CHD1L: variants seen among roughly 807,000 people sequenced by gnomAD.
CHD1L encodes the protein chromodomain helicase DNA binding protein 1 like, also known as ATP-dependent chromatin remodeler CHD1L.
A neutral mutation model predicts 115.9 loss-of-function variants in CHD1L; 118 were observed. That is an observed-to-expected ratio of 1.02 (90% confidence interval 0.88 to 1.19). CHD1L has a LOEUF of 1.19. Ranked by LOEUF, CHD1L falls within the 50% of genes most tolerant of loss-of-function variation. The pLI, the probability that CHD1L is intolerant of heterozygous loss-of-function variation, is 0.00. For synonymous variants in CHD1L, 411 were observed against 387.1 expected (o/e 1.06, Z -0.72); for missense variants, 1,179 against 1,065.3 (o/e 1.11, Z -1.49).
chr1:147,259,148 C>G (rs1252109858), intron 5 of CHD1L: 1 of 152,218 alleles, frequency 6.6e-6, no homozygotes, highest in Non-Finnish European at 1.5e-5. Flanking sequence ...TAAATAGCTT[C>G]TCAGTAGTAT....
intron 14 of CHD1L, among the ~76,000 whole-genome samples, chr1:147,278,145 A>G (rs4581321): frequency 0.69 from 103,560 of 151,090 alleles, 35,622 homozygotes; most frequent in African/African-American, 0.73. Context: ...ATTTGTGGTT[A>G]CCAAAAGCAA....
rs1438765855 is a variant in CHD1L at position 147,267,340 on chromosome 1, GT to G, written c.896-84del. 2.3e-5 allele frequency: 21 copies of G among 899,752 alleles called. 1 individual carries two copies. The African/African-American group carries it at 3.5e-4, about 15-fold the overall frequency. 55.7% of individuals were successfully genotyped at this position (899,752 alleles called of 1,614,324 possible). The stretch of plus-strand genomic sequence containing the variant: ...AAAGGATATAATTGAAATGATTAAG[GT>G]TACTTGTAAAAACTCAGGGTTTTGG... On this transcript the variant is annotated intron_variant, in intron 8 of 22. Transcript: ENST00000369258.
In CHD1L at chr1:147,287,619, C is replaced by A. The variant is rs1212470813; in HGVS notation, c.2222-16C>A. The A allele has an allele frequency of 1.9e-6, 3 of 1,604,514 alleles. No homozygotes were observed. The highest frequency in any genetic ancestry group is 1.3e-5 in the African/African-American group (1 of 74,332). ...TTCACCTCCTATAGATGAAAATTTT[C>A]TCTTTCTTCAAACAGATGACTCTGG... On this transcript the variant is annotated splice_polypyrimidine_tract_variant and intron_variant, in intron 18 of 22. Coordinates refer to ENST00000369258, the MANE Select transcript of CHD1L (RefSeq NM_004284.6).
At chr1:147,254,778 G>T in intron 2 of CHD1L, 92 bp from the exon 3 acceptor site, 1 of 740,882 alleles carries the variant, frequency 1.3e-6, no homozygotes, top group Non-Finnish European at 2.1e-6. Context: ...TCTTAAACAA[G>T]AGTGTGTGTT....
At chr1:147,246,180 C>A (rs1371048316) in intron 1 of CHD1L, among the ~76,000 whole-genome samples, 1 of 152,102 alleles carries the variant, frequency 6.6e-6, no homozygotes, top group Non-Finnish European at 1.5e-5. Context: ...GGCTTTTTTT[C>A]ACTCAGAGTA....
chr1:147,230,597 C>T, the CHD1L span, among the ~76,000 whole-genome samples: 2 of 107,476 alleles, frequency 1.9e-5, no homozygotes, highest in Non-Finnish European at 3.4e-5. Context: ...CCAGCTCCTC[C>T]TTGTACCTCT....
At chr1:147,226,888 A>AGT in the CHD1L span, among the ~76,000 whole-genome samples, 1 of 150,336 alleles carries the variant, frequency 6.7e-6, no homozygotes, top group Middle Eastern at 3.4e-3. Context: ...GCTGGAGTGC[A>AGT]GTGGTGCAAT....
At chr1:147,265,881 C>T (rs140555192) in intron 7 of CHD1L, 51 bp from the exon 8 acceptor site, 25,307 of 1,541,968 alleles carry the variant, frequency 0.016, 248 homozygotes, top group Middle Eastern at 0.019. Context: ...GGGTTCATTG[C>T]CTTGGTTCTA....
intron 14 of CHD1L, 50 bp downstream of exon 14, chr1:147,276,307 G>A: frequency 6.3e-7 from 1 of 1,581,582 alleles, no homozygotes; most frequent in African/African-American, 1.4e-5. Context: ...AATACCCTTT[G>A]TGGAGGAGAA....
chr1:147,251,679 G>A (rs926164056), intron 1 of CHD1L, among the ~76,000 whole-genome samples: 9 of 152,050 alleles, frequency 5.9e-5, no homozygotes, highest in South Asian at 2.1e-4. Context: ...ACAGGTGCCC[G>A]CCACTACACC....
chr1:147,277,631 T>A (rs1353865145), intron 14 of CHD1L, among the ~76,000 whole-genome samples: 1 of 152,196 alleles, frequency 6.6e-6, no homozygotes, highest in Non-Finnish European at 1.5e-5. Flanking sequence ...ACATGCATGC[T>A]TAATTAACCA....
Position 147,264,535 on chromosome 1 carries a change from G to A in CHD1L, c.690G>A (p.Val230=), listed in dbSNP as rs372297070. Residue 230 remains valine, a synonymous_variant, in exon 7 of 23, where the codon GTG becomes GTA. Coordinates refer to ENST00000369258, the MANE Select transcript of CHD1L (RefSeq NM_004284.6). ...CTGATCTCTTTTCCAAGGAAGAGGTGGGAGATTTTATTCAACGCTACCAGG... is the reference window on the plus strand; with the variant it reads ...CTGATCTCTTTTCCAAGGAAGAGGTAGGAGATTTTATTCAACGCTACCAGG... ...VEPDLFSKEE[V]GDFIQRYQDI... is the part of the protein sequence containing the mutation. The A allele has an allele frequency of 2.5e-6, 4 of 1,613,924 alleles. No homozygotes were observed. The African/African-American group carries it at 5.3e-5, about 22-fold the overall frequency.
the CHD1L span, among the ~76,000 whole-genome samples, chr1:147,180,880 T>G: frequency 0.21 from 31,545 of 152,144 alleles, 3,510 homozygotes; most frequent in Middle Eastern, 0.26. Context: ...TACCCAGAGT[T>G]TCTGATTCTG....
intron 6 of CHD1L, 47 bp from the exon 7 acceptor site, chr1:147,264,375 C>A: frequency 6.8e-7 from 1 of 1,475,072 alleles, no homozygotes; most frequent in Non-Finnish European, 9.2e-7. Flanking sequence ...CTCAGCCTTG[C>A]ATTCCAGTGT....
At chr1:147,290,872 TG>T (rs1358252486) in intron 19 of CHD1L, among the ~76,000 whole-genome samples, 6 of 151,974 alleles carry the variant, frequency 3.9e-5, no homozygotes, top group African/African-American at 1.5e-4. Flanking sequence ...CAGGTTAGTC[TG>T]GAACTCTGGC....
At chr1:147,287,978 A>G (rs1199047501) in intron 19 of CHD1L, among the ~76,000 whole-genome samples, 9 of 152,206 alleles carry the variant, frequency 5.9e-5, no homozygotes, top group African/African-American at 2.2e-4. Context: ...GAACTGTAGT[A>G]AGCATAATAA....
At chr1:147,293,780 G>A (rs1395976850) in intron 21 of CHD1L, 58 bp downstream of exon 21, 50 of 1,375,764 alleles carry the variant, frequency 3.6e-5, no homozygotes, top group Non-Finnish European at 4.5e-5. Flanking sequence ...CATGTGATAC[G>A]ACTTTTGAAG....
At position 147,293,654 on chromosome 1, in the gene CHD1L, C is replaced by G; in HGVS notation, c.2438C>G (p.Ser813Cys). 1.2e-6 allele frequency: 2 copies of G among 1,614,138 alleles called. No homozygotes were observed. The highest frequency in any genetic ancestry group is 1.7e-6 in the Non-Finnish European group (2 of 1,180,022). The change falls in exon 21 of 23, where the codon TCT becomes TGT. Residue 813 changes from serine (S) to cysteine (C), a missense_variant. Coordinates refer to ENST00000369258, the MANE Select transcript of CHD1L (RefSeq NM_004284.6). ...CATCGTGATCGTTCCAATGTCCTGTCTGGCATTAAGATGGCAGCCCTAGAA... is the reference window on the plus strand; with the variant it reads ...CATCGTGATCGTTCCAATGTCCTGTGTGGCATTAAGATGGCAGCCCTAGAA... ...AQHRDRSNVLSGIKMAALEEG... is the reference protein window; with the variant it reads ...AQHRDRSNVLCGIKMAALEEG...
At chr1:147,269,909 T>C (rs1194943982) in intron 10 of CHD1L, among the ~76,000 whole-genome samples, 1 of 152,174 alleles carries the variant, frequency 6.6e-6, no homozygotes, top group African/African-American at 2.4e-5. Flanking sequence ...GTTAAATAAT[T>C]TCATGTCTTA....
Sources: allele counts gnomAD v4.1 joint callset (sites outside exome capture counted in the v4.1 genomes callset), GRCh38; gene constraint gnomAD v4.1.1; transcripts MANE v1.5; gene names NCBI Gene and HGNC (gene_info 2026-07-23, HGNC 2026-07-21).